ELMO1: variants seen among roughly 807,000 people sequenced by gnomAD.
The protein encoded by ELMO1 is engulfment and cell motility 1.
ELMO1 carries 26 observed loss-of-function variants against 98.9 expected under a neutral mutation model. That is an observed-to-expected ratio of 0.26 (90% CI 0.19 to 0.36). ELMO1 has a LOEUF of 0.36. Ranked by LOEUF, ELMO1 falls within the 10% of genes least tolerant of loss-of-function variation. ELMO1 has a pLI of 1.00. For missense variants in ELMO1, 627 were observed against 935.2 expected (o/e 0.67, Z 4.30); for synonymous variants, 346 against 346.0 (o/e 1.00, Z 0.00).
At chr7:37,101,456 A>G (rs1466951906) in intron 14 of ELMO1, among the ~76,000 whole-genome samples, 1 of 152,216 alleles carries the variant, frequency 6.6e-6, no homozygotes, top group African/African-American at 2.4e-5. Context: ...AAGGGGCTAC[A>G]TTCTCTTTTA....
intron 15 of ELMO1, among the ~76,000 whole-genome samples, chr7:37,030,456 A>G (rs1794818223): frequency 6.6e-6 from 1 of 152,176 alleles, no homozygotes; most frequent in Non-Finnish European, 1.5e-5. Context: ...TCTACAACAC[A>G]TAGCAGTGAC....
chr7:37,180,753 T>A (rs938635496), intron 13 of ELMO1, among the ~76,000 whole-genome samples: 1 of 152,066 alleles, frequency 6.6e-6, no homozygotes, highest in Non-Finnish European at 1.5e-5. Context: ...AAAGTGTTTT[T>A]TTGGGGAAAA....
chr7:37,341,791 TA>T (rs1800736841), intron 2 of ELMO1, among the ~76,000 whole-genome samples: 1 of 152,228 alleles, frequency 6.6e-6, no homozygotes, highest in Non-Finnish European at 1.5e-5. Context: ...TTTGAAAATG[TA>T]GAAAGCCATC....
Position 37,040,518 on chromosome 7 carries a change from CATG to C in ELMO1, c.1301-27086_1301-27084del, listed in dbSNP as rs1437236253. On this transcript the variant is annotated intron_variant, in intron 15 of 21. Transcript: ENST00000310758. ...AGCACCCAGCTGCCATCAGCATGTG[CATG>C]ATGTGACACGCAGAACTCTGTGGAT... Among the ~76,000 whole-genome samples the C allele has an allele frequency of 4.6e-5, 7 of 152,278 alleles. No individual in the cohort carries two copies. In the East Asian group the frequency reaches 1.4e-3, roughly 29 times the overall value.
intron 16 of ELMO1, among the ~76,000 whole-genome samples, chr7:36,959,781 A>G (rs1448314975): frequency 6.6e-6 from 1 of 152,122 alleles, no homozygotes; most frequent in African/African-American, 2.4e-5. Flanking sequence ...CCCAGGTTCA[A>G]GTGATTCTCC....
At chr7:37,076,426 G>C (rs1797583755) in intron 15 of ELMO1, among the ~76,000 whole-genome samples, 1 of 152,152 alleles carries the variant, frequency 6.6e-6, no homozygotes, top group African/African-American at 2.4e-5. Context: ...TAAGAATAAA[G>C]GTTCAGGAAA....
chr7:37,380,804 C>T (rs1294632308), intron 1 of ELMO1, among the ~76,000 whole-genome samples: 1 of 152,144 alleles, frequency 6.6e-6, no homozygotes, highest in Non-Finnish European at 1.5e-5. Context: ...TAACTTTGAA[C>T]CCATGGACAA....
chr7:36,881,339 G>A (rs1804436735), intron 18 of ELMO1, among the ~76,000 whole-genome samples: 1 of 152,202 alleles, frequency 6.6e-6, no homozygotes, highest in African/African-American at 2.4e-5. Flanking sequence ...GACAGTTTCA[G>A]TGTCAGCCAC....
chr7:36,890,979 T>A (rs986372192), intron 17 of ELMO1, among the ~76,000 whole-genome samples: 12 of 152,214 alleles, frequency 7.9e-5, no homozygotes, highest in Admixed American at 7.2e-4. Flanking sequence ...CTGGTGGTTC[T>A]CCCTGTCTGG....
chr7:37,151,596 C>T (rs976485543), intron 13 of ELMO1, among the ~76,000 whole-genome samples: 1 of 152,068 alleles, frequency 6.6e-6, no homozygotes, highest in African/African-American at 2.4e-5. Context: ...TATGATTCAA[C>T]CTAATAGCTA....
intron 15 of ELMO1, among the ~76,000 whole-genome samples, chr7:37,048,971 G>A (rs1438874655): frequency 6.6e-6 from 1 of 152,136 alleles, no homozygotes; most frequent in Admixed American, 6.5e-5. Context: ...TGAGTTTAGG[G>A]GAAGTGACGT....
rs754267285 is a variant in ELMO1, at chr7:36,859,408, AG to A, written c.1983+2250del. Among the ~76,000 whole-genome samples, 5 of 152,334 alleles carry A rather than the reference AG, an allele frequency of 3.3e-5. No homozygotes were observed. The South Asian group carries it at 8.3e-4, about 25-fold the overall frequency. Reference sequence around the variant, plus strand: ...TATCCAGATTTGCTTCAAAATAATCAGGGGTGGCAGCTGGGTGATGGTGGAA... The same window carrying A: ...TATCCAGATTTGCTTCAAAATAATCAGGGTGGCAGCTGGGTGATGGTGGAA... On this transcript the variant is annotated intron_variant, in intron 21 of 21. Coordinates refer to ENST00000310758, the MANE Select transcript of ELMO1 (RefSeq NM_014800.11).
At chr7:36,900,311 T>C (rs1224078704) in intron 16 of ELMO1, among the ~76,000 whole-genome samples, 1 of 152,230 alleles carries the variant, frequency 6.6e-6, no homozygotes, top group African/African-American at 2.4e-5. Flanking sequence ...GTCTAGATTG[T>C]AAGTCCCTGG....
intron 13 of ELMO1, among the ~76,000 whole-genome samples, chr7:37,173,086 T>C (rs892604490): frequency 6.6e-6 from 1 of 152,256 alleles, no homozygotes; most frequent in Non-Finnish European, 1.5e-5. Flanking sequence ...AAATGTGAAA[T>C]AGCATTTCCT....
chr7:37,214,617 G>T (rs1584819830), intron 11 of ELMO1, among the ~76,000 whole-genome samples: 1 of 152,104 alleles, frequency 6.6e-6, no homozygotes, highest in African/African-American at 2.4e-5. Flanking sequence ...AGGACAGGGA[G>T]GAATGAGAGA....
intron 20 of ELMO1, among the ~76,000 whole-genome samples, chr7:36,865,221 T>G (rs1383728238): frequency 6.6e-6 from 1 of 152,242 alleles, no homozygotes; most frequent in Non-Finnish European, 1.5e-5. Context: ...ATGTTGGTTC[T>G]CTATCTATCC....
intron 7 of ELMO1, among the ~76,000 whole-genome samples, chr7:37,238,184 T>A (rs1794579632): frequency 6.6e-6 from 1 of 152,196 alleles, no homozygotes. Flanking sequence ...CTCCACCACA[T>A]GAAATGGTCT....
chr7:37,197,163 T>C (rs554585995), intron 13 of ELMO1: 16 of 152,328 alleles, frequency 1.1e-4, no homozygotes, highest in East Asian at 7.7e-4. Flanking sequence ...ATTGGAAAGT[T>C]TGTAGGTTTG....
intron 13 of ELMO1, among the ~76,000 whole-genome samples, chr7:37,196,448 A>G (rs1791967806): frequency 1.3e-5 from 2 of 152,150 alleles, no homozygotes; most frequent in African/African-American, 2.4e-5. Flanking sequence ...AGGAAGGACG[A>G]TGCTCTGTGC....
Sources: gnomAD v4.1 joint callset for allele counts (sites outside exome capture counted in the v4.1 genomes callset) on GRCh38, gnomAD v4.1.1 for gene constraint, MANE v1.5 for transcripts, NCBI Gene and HGNC (gene_info 2026-07-23, HGNC 2026-07-21) for gene names.